The following NFU1 variants were observed in gnomAD, a reference collection of about 807,000 sequenced individuals.
The protein encoded by NFU1 is NFU1 iron-sulfur cluster scaffold homolog, mitochondrial.
Under a neutral mutation model 32.2 loss-of-function variants are expected in NFU1, and 30 were observed. The ratio of observed to expected loss-of-function variants is 0.93; its 90% CI spans 0.70 to 1.26. The LOEUF is 1.26. Ranked by LOEUF, NFU1 falls within the 50% of genes most tolerant of loss-of-function variation. The probability of loss-of-function intolerance (pLI) is 0.00; values close to 1 mark genes in which losing one functional copy is unlikely to be tolerated. For synonymous variants in NFU1, 112 were observed against 104.6 expected, an observed-to-expected ratio of 1.07 and a Z score of -0.43; for missense variants, 306 against 306.6, an observed-to-expected ratio of 1.00 and a Z score of 0.02.
At position 69,408,734 on chromosome 2, in the gene NFU1, T is replaced by TTATATA. The variant is rs70954344; in HGVS notation, c.485-2658_485-2653dup. On this transcript the variant is annotated intron_variant, in intron 5 of 7. Transcript: ENST00000410022. Reference sequence around the variant, plus strand: ...CACCGTCTCAAAAAAATATAAAATTTTATATATATATATATATATATATAT... The same window carrying TTATATA: ...CACCGTCTCAAAAAAATATAAAATTTTATATATATATATATATATATATATATATAT... Among the ~76,000 whole-genome samples the TTATATA allele has an allele frequency of 3.9e-3, 531 of 136,310 alleles. 3 individuals carry two copies. The highest frequency in any genetic ancestry group is 6.0e-3 in the Non-Finnish European group (380 of 63,028). The allele number at this position is 136,310 out of a possible 152,430, so 89.4% of individuals were successfully genotyped here. A position where few individuals can be genotyped will look rare whatever the true frequency, so the allele number is the denominator to read the frequency against.
intron 5 of NFU1, 42 bp downstream of exon 5, chr2:69,415,143 T>TA (rs563984185): frequency 8.8e-7 from 1 of 1,137,864 alleles, no homozygotes; most frequent in East Asian, 2.4e-5. Flanking sequence ...TAGAAAAGTC[T>TA]AAAAAAAGGA....
At chr2:69,435,038 G>A (rs1310010931) in intron 1 of NFU1, among the ~76,000 whole-genome samples, 3 of 152,216 alleles carry the variant, frequency 2.0e-5, no homozygotes, top group Non-Finnish European at 4.4e-5. Context: ...TTCTGCAGGA[G>A]TAATTGGGGA....
chr2:69,435,980 C>A (rs569478682), intron 1 of NFU1, among the ~76,000 whole-genome samples: 93 of 151,306 alleles, frequency 6.1e-4, no homozygotes, highest in Middle Eastern at 3.4e-3. Context: ...CTGACCTCAG[C>A]CAATCCGCCC....
rs778748968 is a variant in NFU1, at chr2:69,431,889, G to T, written c.166+13C>A. On this transcript the variant is annotated intron_variant, in intron 2 of 7. Coordinates refer to ENST00000410022, the MANE Select transcript of NFU1 (RefSeq NM_001002755.4). Reference sequence around the variant, plus strand: ...TCTGAAACACAACTGCTATAAAAGAGGTGAAATTTTACCTGGGTGATAAAA... The same window carrying T: ...TCTGAAACACAACTGCTATAAAAGATGTGAAATTTTACCTGGGTGATAAAA... The T allele has an allele frequency of 6.6e-7, 1 of 1,525,796 alleles. No individual in the cohort carries two copies. Among genetic ancestry groups the T allele is most frequent in the South Asian group, 1.1e-5 (1 of 89,282 alleles). 94.5% of individuals were successfully genotyped at this position (1,525,796 alleles called of 1,614,324 possible).
chr2:69,437,376 G>T lies in NFU1; in HGVS notation c.47C>A (p.Ala16Asp), dbSNP rs1299924560. 1.2e-6 allele frequency: 2 copies of T among 1,608,576 alleles called. No homozygotes were observed. Among genetic ancestry groups the T allele is most frequent in the Non-Finnish European group, 1.7e-6 (2 of 1,178,982 alleles). Residue 16 changes from alanine (A) to aspartate (D), a missense_variant, in exon 1 of 8, where the codon GCC becomes GAC. Coordinates refer to ENST00000410022, the MANE Select transcript of NFU1 (RefSeq NM_001002755.4). ...RRGWGAAAVAAGLRRRFCHML... is the reference protein window; with the variant it reads ...RRGWGAAAVADGLRRRFCHML... ...CGTCACCTACCGCCTGCGCAGCCCGGCGGCAACAGCCGCAGCTCCCCAGCC... is the reference window on the plus strand; with the variant it reads ...CGTCACCTACCGCCTGCGCAGCCCGTCGGCAACAGCCGCAGCTCCCCAGCC...
intron 5 of NFU1, among the ~76,000 whole-genome samples, chr2:69,413,586 C>A (rs80333873): frequency 1.3e-5 from 2 of 152,108 alleles, no homozygotes; most frequent in African/African-American, 4.8e-5. Context: ...CATGGCAAAA[C>A]CCCCTCTACT....
chr2:69,431,699 T>C (rs1673643035), intron 2 of NFU1, among the ~76,000 whole-genome samples: 1 of 152,240 alleles, frequency 6.6e-6, no homozygotes, highest in African/African-American at 2.4e-5. Flanking sequence ...TACTGAGATT[T>C]CATAGATCTA....
At chr2:69,400,236 C>A in intron 7 of NFU1, 128 bp downstream of exon 7, 1 of 864,954 alleles carries the variant, frequency 1.2e-6, no homozygotes, top group South Asian at 1.5e-5. Flanking sequence ...AAATCCAGCC[C>A]TTGAAGAAAA....
At chr2:69,410,638 ATACAG>A (rs1672848262) in intron 5 of NFU1, among the ~76,000 whole-genome samples, 2 of 152,246 alleles carry the variant, frequency 1.3e-5, no homozygotes, top group Non-Finnish European at 2.9e-5. Context: ...TGTGCCTGAA[ATACAG>A]TAATCAGTAT....
chr2:69,438,852 CTTCCCCCATCCAACCCCCCACCCAGTGA>C (rs1673949096), upstream of NFU1, among the ~76,000 whole-genome samples: 1 of 122,652 alleles, frequency 8.2e-6, no homozygotes, highest in African/African-American at 5.3e-5. Context: ...TACTAGTGAT[CTTCCCCCATCCAACCCCCCACCCAGTGA>C]TCTTCCCCCA....
intron 3 of NFU1, among the ~76,000 whole-genome samples, chr2:69,423,268 GTGTGTGTGTGTGTGT>G (rs1673324809): frequency 7.0e-6 from 1 of 142,592 alleles, no homozygotes; most frequent in African/African-American, 2.7e-5. Flanking sequence ...GTGTGTGTGT[GTGTGTGTGTGTGTGT>G]GTGTGTATGT....
At chr2:69,409,370 C>T (rs563920253) in intron 5 of NFU1, among the ~76,000 whole-genome samples, 27 of 152,058 alleles carry the variant, frequency 1.8e-4, no homozygotes, top group African/African-American at 6.3e-4. Context: ...CTTTTAACTG[C>T]TGGTATAGTT....
intron 4 of NFU1, chr2:69,416,139 A>G (rs1466495362): frequency 6.6e-6 from 1 of 151,510 alleles, no homozygotes; most frequent in Non-Finnish European, 1.5e-5. Flanking sequence ...AAAAGAAAAA[A>G]TATCTTTTCC....
At chr2:69,430,185 A>G (rs1007770087) in intron 2 of NFU1, among the ~76,000 whole-genome samples, 7 of 151,396 alleles carry the variant, frequency 4.6e-5, no homozygotes, top group Non-Finnish European at 4.4e-5. Flanking sequence ...TTACAACAGG[A>G]AACAGGACAG....
chr2:69,427,557 G>A lies in NFU1; in HGVS notation c.167-3840C>T, dbSNP rs968862049. Among the ~76,000 whole-genome samples, 9 of 151,480 alleles carry A rather than the reference G, an allele frequency of 5.9e-5. No homozygotes were observed. In the South Asian group the frequency reaches 1.5e-3, roughly 25 times the overall value. ...CAGCCAGGCGTGGTAGTGTGCGTCCGTAGTCCCAGCTACTTGGGAGGCTGA... is the reference window on the plus strand; with the variant it reads ...CAGCCAGGCGTGGTAGTGTGCGTCCATAGTCCCAGCTACTTGGGAGGCTGA... On this transcript the variant is annotated intron_variant, in intron 2 of 7. Coordinates refer to ENST00000410022, the MANE Select transcript of NFU1 (RefSeq NM_001002755.4).
chr2:69,397,247 A>G (rs1672369258), intron 7 of NFU1, among the ~76,000 whole-genome samples: 1 of 151,276 alleles, frequency 6.6e-6, no homozygotes, highest in Admixed American at 6.6e-5. Flanking sequence ...AAAGTGAAAA[A>G]CAAAACAAAA....
rs756346933 is a variant in NFU1 at position 69,396,189 on chromosome 2, C to T, written c.*57G>A. Reference sequence around the variant, plus strand: ...TTCCTCAGCATATTAATAATAAAAACTTGATATATATTATCAACAAGTCTG... The same window carrying T: ...TTCCTCAGCATATTAATAATAAAAATTTGATATATATTATCAACAAGTCTG... On this transcript the variant is annotated 3_prime_UTR_variant, in exon 8 of 8. Coordinates refer to ENST00000410022, the MANE Select transcript of NFU1 (RefSeq NM_001002755.4). 5 of 1,337,128 alleles carry T rather than the reference C, an allele frequency of 3.7e-6. No homozygotes were observed. In the Admixed American group the frequency reaches 5.3e-5, roughly 14 times the overall value. 82.8% of individuals were successfully genotyped at this position (1,337,128 alleles called of 1,614,324 possible).
At chr2:69,410,136 C>G (rs2104759298) in intron 5 of NFU1, among the ~76,000 whole-genome samples, 1 of 152,236 alleles carries the variant, frequency 6.6e-6, no homozygotes, top group East Asian at 1.9e-4. Flanking sequence ...CGCCCATAAT[C>G]CCACCACTTT....
intron 5 of NFU1, among the ~76,000 whole-genome samples, chr2:69,414,392 G>C (rs10171799): frequency 0.66 from 100,247 of 151,768 alleles, 34,536 homozygotes; most frequent in African/African-American, 0.87. Context: ...TTGAAGCCAG[G>C]TGATCACTTG....
Sources: gnomAD v4.1 joint callset for allele counts (sites outside exome capture counted in the v4.1 genomes callset) on GRCh38, gnomAD v4.1.1 for gene constraint, MANE v1.5 for transcripts, NCBI Gene and HGNC (gene_info 2026-07-23, HGNC 2026-07-21) for gene names.